The following INSC variants were observed in gnomAD, a reference collection of about 807,000 sequenced individuals.
The protein encoded by INSC is INSC spindle orientation adaptor protein, also known as protein inscuteable homolog.
A neutral mutation model predicts 58.6 loss-of-function variants in INSC; 67 were observed. That is an observed-to-expected ratio of 1.14 (90% CI 0.94 to 1.40). The LOEUF (loss-of-function observed/expected upper bound fraction) is 1.40, where lower values mean the gene tolerates loss of function less well. Ranked by LOEUF, INSC falls within the 40% of genes most tolerant of loss-of-function variation. INSC has a pLI of 0.00. For synonymous variants in INSC, 262 were observed against 276.1 expected (o/e 0.95, Z 0.51); for missense variants, 714 against 692.0 (o/e 1.03, Z -0.36).
At chr11:15,170,161 T>A (rs558788620) in intron 2 of INSC, among the ~76,000 whole-genome samples, 1 of 152,238 alleles carries the variant, frequency 6.6e-6, no homozygotes, top group South Asian at 2.1e-4. Flanking sequence ...ATTTTTATTA[T>A]CATATTGTTA....
At chr11:15,236,328 A>G (rs1281125241) in intron 10 of INSC, among the ~76,000 whole-genome samples, 3 of 152,140 alleles carry the variant, frequency 2.0e-5, no homozygotes, top group African/African-American at 7.2e-5. Context: ...TAATAGGGTC[A>G]TGAGGAGAAG....
chr11:15,204,833 T>C (rs1325386190), intron 7 of INSC, among the ~76,000 whole-genome samples: 1 of 152,214 alleles, frequency 6.6e-6, no homozygotes, highest in South Asian at 2.1e-4. Context: ...CGTGCTGGAT[T>C]TGGTGAAATT....
At chr11:15,134,859 T>C (rs2133712257) in intron 1 of INSC, among the ~76,000 whole-genome samples, 1 of 138,068 alleles carries the variant, frequency 7.2e-6, no homozygotes. Context: ...TTATTTATTT[T>C]GCTTTGCCAT....
intron 5 of INSC, among the ~76,000 whole-genome samples, chr11:15,185,328 G>A (rs1849924239): frequency 1.3e-5 from 2 of 152,020 alleles, no homozygotes; most frequent in Non-Finnish European, 2.9e-5. Flanking sequence ...CTAAAATATA[G>A]CATTAAGTCA....
intron 10 of INSC, 23 bp downstream of exon 10, chr11:15,235,691 A>T: frequency 6.3e-7 from 1 of 1,587,336 alleles, no homozygotes; most frequent in Non-Finnish European, 8.6e-7. Flanking sequence ...AGCATTGTAC[A>T]TGTTATGTGG....
At chr11:15,180,276 A>AAAACAAAC (rs150336587) in intron 5 of INSC, among the ~76,000 whole-genome samples, 1 of 151,882 alleles carries the variant, frequency 6.6e-6, no homozygotes, top group African/African-American at 2.4e-5. Context: ...CAAACAAAAC[A>AAAACAAAC]AAACAAACAA....
upstream of INSC, chr11:15,112,548 A>C (rs1384644928): frequency 1.3e-6 from 2 of 1,572,710 alleles, no homozygotes; most frequent in Non-Finnish European, 1.7e-6. Context: ...CCAGGAGTCC[A>C]GGAGGCTGTG....
chr11:15,229,395 A>G (rs112048107), intron 9 of INSC, among the ~76,000 whole-genome samples: 7,401 of 152,202 alleles, frequency 0.049, 260 homozygotes, highest in African/African-American at 0.096. Context: ...ATAGTTTATA[A>G]AGCTCTGTCA....
intron 3 of INSC, among the ~76,000 whole-genome samples, chr11:15,176,732 C>T (rs1564886027): frequency 1.3e-5 from 2 of 152,242 alleles, no homozygotes; most frequent in South Asian, 4.1e-4. Flanking sequence ...TTAAAAATCT[C>T]CCTTGTTATT....
At chr11:15,172,217 CT>C (rs1406502030) in intron 2 of INSC, among the ~76,000 whole-genome samples, 16 of 152,294 alleles carry the variant, frequency 1.1e-4, no homozygotes, top group Non-Finnish European at 1.8e-4. Context: ...TTAAAAGCCC[CT>C]AGGTCAGTTT....
At chr11:15,188,866 G>A (rs937534439) in intron 5 of INSC, among the ~76,000 whole-genome samples, 1 of 152,182 alleles carries the variant, frequency 6.6e-6, no homozygotes, top group Non-Finnish European at 1.5e-5. Context: ...TTTCATGTGA[G>A]CATTAGTATC....
At chr11:15,112,591 AGTGTGTGTGTGTGTGT>A (rs375142839), upstream of INSC, 2,307 of 367,202 alleles carry the variant, frequency 6.3e-3, 22 homozygotes, top group African/African-American at 0.031. Context: ...GGTGGATGTG[AGTGTGTGTGTGTGTGT>A]GTGTGTGTGT....
chr11:15,112,531 G>C (rs1378141207), upstream of INSC: 8 of 1,611,864 alleles, frequency 5.0e-6, no homozygotes, highest in Non-Finnish European at 5.1e-6. Context: ...TGGGGTCTAT[G>C]GGGAGTCCAG....
At chr11:15,114,800 G>T (rs886481530), upstream of INSC, 23 of 274,366 alleles carry the variant, frequency 8.4e-5, no homozygotes, top group African/African-American at 5.1e-4. Flanking sequence ...GGCAGGGAGC[G>T]CGCTGCTGTG....
In INSC at chr11:15,191,081, C is replaced by T. The variant is rs533650356; in HGVS notation, c.693+267C>T. ...CTGCAAGCTCTGCCTCCCGGGTTCACGCCATTCTCCTGCCTCAGCCTCCCG... is the reference window on the plus strand; with the variant it reads ...CTGCAAGCTCTGCCTCCCGGGTTCATGCCATTCTCCTGCCTCAGCCTCCCG... On this transcript the variant is annotated intron_variant, in intron 6 of 12. Coordinates refer to ENST00000379556, the MANE Select transcript of INSC (RefSeq NM_001042536.3). Among the ~76,000 whole-genome samples the T allele has an allele frequency of 3.2e-3, 489 of 151,362 alleles. 2 individuals carry two copies. Among genetic ancestry groups the T allele is most frequent in the Non-Finnish European group, 5.6e-3 (383 of 67,820 alleles).
At chr11:15,240,183 A>G (rs1425339004) in intron 11 of INSC, among the ~76,000 whole-genome samples, 1 of 152,180 alleles carries the variant, frequency 6.6e-6, no homozygotes, top group East Asian at 1.9e-4. Flanking sequence ...TGAGAAAAAA[A>G]AAGACACAGT....
intron 11 of INSC, among the ~76,000 whole-genome samples, 176 bp from the exon 12 acceptor site, chr11:15,240,271 C>T (rs1002724017): frequency 2.0e-5 from 3 of 152,188 alleles, no homozygotes; most frequent in Admixed American, 2.0e-4. Context: ...CTTGGCCTGA[C>T]CCTGACCCGG....
At chr11:15,269,153 A>G in the INSC span, among the ~76,000 whole-genome samples, 4 of 152,038 alleles carry the variant, frequency 2.6e-5, no homozygotes, top group Non-Finnish European at 2.9e-5. Flanking sequence ...ATTTCATTAA[A>G]TAGTTATTAT....
At chr11:15,244,056 C>G (rs1852466583) in intron 12 of INSC, among the ~76,000 whole-genome samples, 1 of 151,908 alleles carries the variant, frequency 6.6e-6, no homozygotes, top group African/African-American at 2.4e-5. Context: ...CTTGATAGGT[C>G]TATGTTCTAT....
Sources: gnomAD v4.1 joint callset for allele counts (sites outside exome capture counted in the v4.1 genomes callset) on GRCh38, gnomAD v4.1.1 for gene constraint, MANE v1.5 for transcripts, NCBI Gene and HGNC (gene_info 2026-07-23, HGNC 2026-07-21) for gene names.